The following AK9 variants were observed in gnomAD, a reference collection of about 807,000 sequenced individuals.
AK9 encodes the protein adenylate kinase 9, also known as adenylate kinase domain containing 1.
In AK9, 191 loss-of-function variants were observed where a neutral mutation model predicts 239.6. That is an observed-to-expected ratio of 0.80 (90% CI 0.71 to 0.90). The LOEUF is 0.90. AK9 is among the 40% of genes least tolerant of loss of function. The pLI, the probability that AK9 is intolerant of heterozygous loss-of-function variation, is 0.00. For synonymous variants in AK9, 689 were observed against 721.0 expected, an observed-to-expected ratio of 0.96 and a Z score of 0.71; for missense variants, 1,995 against 2,214.7, an observed-to-expected ratio of 0.90 and a Z score of 1.99.
At chr6:109,668,116 C>T (rs1801510429) in intron 5 of AK9, among the ~76,000 whole-genome samples, 1 of 152,196 alleles carries the variant, frequency 6.6e-6, no homozygotes, top group Admixed American at 6.5e-5. Context: ...GATGATATCT[C>T]ATTGTGGTTT....
intron 8 of AK9, among the ~76,000 whole-genome samples, chr6:109,645,276 A>G (rs1797907012): frequency 6.6e-6 from 1 of 152,180 alleles, no homozygotes; most frequent in African/African-American, 2.4e-5. Context: ...TGGGAAGCAC[A>G]AGGGGTGGGG....
intron 7 of AK9, among the ~76,000 whole-genome samples, chr6:109,657,791 C>T (rs528460387): frequency 1.3e-5 from 2 of 152,006 alleles, no homozygotes; most frequent in South Asian, 4.2e-4. Context: ...TGAGTGAGAA[C>T]ATGTGCCACA....
chr6:109,663,534 T>G (rs1229961730), intron 5 of AK9, among the ~76,000 whole-genome samples: 1 of 152,164 alleles, frequency 6.6e-6, no homozygotes, highest in Non-Finnish European at 1.5e-5. Context: ...TTTGAAAAAC[T>G]TACATCCATT....
chr6:109,615,998 G>C (rs1359181786), intron 13 of AK9, among the ~76,000 whole-genome samples: 1 of 152,030 alleles, frequency 6.6e-6, no homozygotes, highest in East Asian at 1.9e-4. Flanking sequence ...CACTTTGGGA[G>C]GCCAAGGCCG....
At chr6:109,509,085 CT>C in intron 33 of AK9, 93 bp downstream of exon 33, 1 of 1,248,386 alleles carries the variant, frequency 8.0e-7, no homozygotes, top group Non-Finnish European at 1.1e-6. Flanking sequence ...TTTATAAGAG[CT>C]TTAAGCCCCA....
intron 27 of AK9, among the ~76,000 whole-genome samples, chr6:109,538,117 A>G (rs1187490430): frequency 2.6e-5 from 4 of 152,214 alleles, no homozygotes; most frequent in Non-Finnish European, 5.9e-5. Flanking sequence ...GATGTCTATT[A>G]GGTCCACTTG....
chr6:109,628,716 A>T (rs1435851202), intron 12 of AK9, among the ~76,000 whole-genome samples: 3 of 152,132 alleles, frequency 2.0e-5, no homozygotes, highest in Non-Finnish European at 4.4e-5. Context: ...TGATGAGGTT[A>T]GGCAGCTTTC....
At chr6:109,559,167 G>GTTTTTTTTTT (rs79796830) in intron 24 of AK9, among the ~76,000 whole-genome samples, 2 of 145,308 alleles carry the variant, frequency 1.4e-5, no homozygotes, top group South Asian at 2.2e-4. Context: ...ATATCTATCT[G>GTTTTTTTTTT]TTTTTTTTTT....
At chr6:109,565,197 GC>G (rs1786311383) in intron 21 of AK9, among the ~76,000 whole-genome samples, 1 of 152,134 alleles carries the variant, frequency 6.6e-6, no homozygotes, top group South Asian at 2.1e-4. Flanking sequence ...TACCCATGAA[GC>G]CAGGCATAGT....
intron 17 of AK9, among the ~76,000 whole-genome samples, chr6:109,603,984 G>A (rs533769930): frequency 6.6e-6 from 1 of 152,274 alleles, no homozygotes; most frequent in Non-Finnish European, 1.5e-5. Context: ...GCTTTGCTTG[G>A]CTAGGAAAGG....
intron 29 of AK9, among the ~76,000 whole-genome samples, chr6:109,517,596 C>T (rs972234530): frequency 1.6e-4 from 25 of 152,086 alleles, no homozygotes; most frequent in African/African-American, 5.6e-4. Flanking sequence ...CATGCAAAGC[C>T]GTTAGAAAAA....
intron 27 of AK9, among the ~76,000 whole-genome samples, chr6:109,533,833 T>C (rs1391891362): frequency 6.6e-6 from 1 of 152,148 alleles, no homozygotes; most frequent in African/African-American, 2.4e-5. Flanking sequence ...TTACAGACAA[T>C]TACTATTAAC....
intron 16 of AK9, 74 bp from the exon 17 acceptor site, chr6:109,610,587 A>C (rs968011160): frequency 1.4e-6 from 2 of 1,404,194 alleles, no homozygotes; most frequent in African/African-American, 2.9e-5. Flanking sequence ...ATAAAACATG[A>C]TTGATAATAT....
chr6:109,690,026 TAAG>T (rs1323215072), intron 1 of AK9, among the ~76,000 whole-genome samples: 1 of 152,232 alleles, frequency 6.6e-6, no homozygotes, highest in Admixed American at 6.5e-5. Flanking sequence ...AACATAGACT[TAAG>T]TATTTCTTTA....
At chr6:109,570,055 A>G (rs1583051750) in intron 21 of AK9, among the ~76,000 whole-genome samples, 1 of 152,234 alleles carries the variant, frequency 6.6e-6, no homozygotes, top group Non-Finnish European at 1.5e-5. Context: ...GATAGACTGA[A>G]TTAAGAAAAT....
At chr6:109,680,770 C>G (rs541921624) in intron 1 of AK9, among the ~76,000 whole-genome samples, 1 of 152,296 alleles carries the variant, frequency 6.6e-6, no homozygotes, top group African/African-American at 2.4e-5. Context: ...AGAAACCCTA[C>G]AAGCCAGAAG....
In AK9 at chr6:109,509,395, A is replaced by C; in HGVS notation, c.4280-15T>G. 6.5e-7 allele frequency: 1 copy of C among 1,539,630 alleles called. No individual in the cohort carries two copies. Among genetic ancestry groups the C allele is most frequent in the Non-Finnish European group, 8.8e-7 (1 of 1,137,764 alleles). ...TTTTTTGGCAACTGAAAAACATAAAACTTTTAAATTAAATTAAATGATTTA... is the reference window on the plus strand; with the variant it reads ...TTTTTTGGCAACTGAAAAACATAAACCTTTTAAATTAAATTAAATGATTTA... On this transcript the variant is annotated splice_polypyrimidine_tract_variant and intron_variant, in intron 32 of 40. Coordinates refer to ENST00000424296, the MANE Select transcript of AK9 (RefSeq NM_001145128.3).
At chr6:109,659,099 T>C (rs767829213) in intron 7 of AK9, 129 bp downstream of exon 7, 7 of 1,266,218 alleles carry the variant, frequency 5.5e-6, no homozygotes, top group Non-Finnish European at 7.3e-6. Flanking sequence ...GCTTATTTCC[T>C]CCAAACTCAA....
At chr6:109,642,691 G>A (rs1429434387) in intron 9 of AK9, among the ~76,000 whole-genome samples, 2 of 152,052 alleles carry the variant, frequency 1.3e-5, no homozygotes, top group Non-Finnish European at 2.9e-5. Flanking sequence ...AATGGGATGT[G>A]GGATGTGAGA....
Sources: gnomAD v4.1 joint callset for allele counts (sites outside exome capture counted in the v4.1 genomes callset) on GRCh38, gnomAD v4.1.1 for gene constraint, MANE v1.5 for transcripts, NCBI Gene and HGNC (gene_info 2026-07-23, HGNC 2026-07-21) for gene names.